GMDS: variants seen among roughly 807,000 people sequenced by gnomAD.
GMDS encodes GDP-mannose 4,6 dehydratase.
Under a neutral mutation model 49.9 loss-of-function variants are expected in GMDS, and 20 were observed. The ratio of observed to expected loss-of-function variants is 0.40; its 90% CI spans 0.28 to 0.58. The LOEUF is 0.58. Among genes scored for constraint, GMDS ranks in the 20% least tolerant of loss-of-function variants. GMDS has a pLI of 0.42. For synonymous variants in GMDS, 177 were observed against 178.6 expected, an observed-to-expected ratio of 0.99 and a Z score of 0.07; for missense variants, 362 against 481.4, an observed-to-expected ratio of 0.75 and a Z score of 2.32.
intron 1 of GMDS, among the ~76,000 whole-genome samples, chr6:2,212,872 T>C (rs1352002388): frequency 1.3e-5 from 2 of 152,202 alleles, no homozygotes; most frequent in Non-Finnish European, 2.9e-5. Flanking sequence ...ATTTTCTGAA[T>C]GGTTACTCCT....
At chr6:2,203,666 A>G (rs1561655035) in intron 1 of GMDS, among the ~76,000 whole-genome samples, 1 of 152,332 alleles carries the variant, frequency 6.6e-6, no homozygotes, top group Admixed American at 6.5e-5. Context: ...TACGAAAAAA[A>G]AATGTGTTTT....
intron 1 of GMDS, among the ~76,000 whole-genome samples, chr6:2,146,558 A>C (rs1337359436): frequency 6.6e-6 from 1 of 152,206 alleles, no homozygotes; most frequent in East Asian, 1.9e-4. Context: ...GTAGCCCTAA[A>C]GCTTTGTGAT....
intron 7 of GMDS, among the ~76,000 whole-genome samples, chr6:1,773,205 TTTTTTAAC>T (rs1307550189): frequency 4.6e-5 from 7 of 151,446 alleles, no homozygotes; most frequent in African/African-American, 1.5e-4. Context: ...TTTTTTTTTT[TTTTTTAAC>T]TTTAAGAGAA....
At chr6:1,822,024 C>T (rs1770924350) in intron 7 of GMDS, among the ~76,000 whole-genome samples, 1 of 152,082 alleles carries the variant, frequency 6.6e-6, no homozygotes, top group African/African-American at 2.4e-5. Flanking sequence ...AAAAAAAATA[C>T]TGTAAAGCTC....
At chr6:1,715,011 C>G (rs1766124279) in intron 9 of GMDS, among the ~76,000 whole-genome samples, 1 of 152,008 alleles carries the variant, frequency 6.6e-6, no homozygotes, top group Non-Finnish European at 1.5e-5. Flanking sequence ...AAGAAAGGTG[C>G]AGAGGGAAGT....
intron 4 of GMDS, among the ~76,000 whole-genome samples, chr6:2,018,245 A>G (rs1768029547): frequency 6.6e-6 from 1 of 152,226 alleles, no homozygotes; most frequent in African/African-American, 2.4e-5. Flanking sequence ...CGCTGATGCT[A>G]TGACTCAAAT....
chr6:2,230,222 A>G (rs1213961237), intron 1 of GMDS, among the ~76,000 whole-genome samples: 1 of 152,258 alleles, frequency 6.6e-6, no homozygotes, highest in Non-Finnish European at 1.5e-5. Flanking sequence ...AAAAGTTTCC[A>G]TTACACATGC....
At chr6:2,001,686 T>A (rs1386943090) in intron 4 of GMDS, among the ~76,000 whole-genome samples, 1 of 152,136 alleles carries the variant, frequency 6.6e-6, no homozygotes, top group African/African-American at 2.4e-5. Flanking sequence ...GGCATAAGAA[T>A]AGATGCACAA....
At chr6:1,634,517 C>T (rs1388759275) in intron 9 of GMDS, among the ~76,000 whole-genome samples, 1 of 152,212 alleles carries the variant, frequency 6.6e-6, no homozygotes, top group African/African-American at 2.4e-5. Flanking sequence ...TTCTCTGTCT[C>T]TCTCTGGGTG....
intron 9 of GMDS, among the ~76,000 whole-genome samples, chr6:1,648,763 T>G (rs941543523): frequency 3.3e-5 from 5 of 152,232 alleles, no homozygotes; most frequent in Non-Finnish European, 5.9e-5. Flanking sequence ...TTTTGTAAAA[T>G]AGCTCCGTTT....
At chr6:1,885,864 C>T (rs1429052806) in intron 7 of GMDS, among the ~76,000 whole-genome samples, 2 of 152,196 alleles carry the variant, frequency 1.3e-5, no homozygotes, top group Non-Finnish European at 2.9e-5. Context: ...TCCTCTTGTT[C>T]CACAGCTCAA....
At chr6:1,739,519 G>A (rs1767177537) in intron 8 of GMDS, among the ~76,000 whole-genome samples, 1 of 152,272 alleles carries the variant, frequency 6.6e-6, no homozygotes, top group African/African-American at 2.4e-5. Context: ...CAGTGGGGCT[G>A]CTCATCCCAG....
chr6:1,911,335 G>A (rs1228366553), intron 7 of GMDS, among the ~76,000 whole-genome samples: 1 of 152,172 alleles, frequency 6.6e-6, no homozygotes, highest in East Asian at 1.9e-4. Context: ...CAACTGAAAA[G>A]TAATTCTTCT....
chr6:1,712,409 G>GTTCT (rs1227540674), intron 9 of GMDS, among the ~76,000 whole-genome samples: 1 of 152,206 alleles, frequency 6.6e-6, no homozygotes, highest in Non-Finnish European at 1.5e-5. Flanking sequence ...GAAGTGCTGT[G>GTTCT]TTCTTATCTT....
At chr6:1,979,561 T>G (rs1234609823) in intron 4 of GMDS, among the ~76,000 whole-genome samples, 2 of 152,176 alleles carry the variant, frequency 1.3e-5, no homozygotes, top group Non-Finnish European at 2.9e-5. Flanking sequence ...AGAATGAATC[T>G]ACAACTGACT....
intron 4 of GMDS, among the ~76,000 whole-genome samples, chr6:2,039,813 A>G (rs115863455): frequency 0.013 from 1,922 of 152,304 alleles, 43 homozygotes; most frequent in African/African-American, 0.044. Flanking sequence ...TTAACTTTTA[A>G]TATAAGCAGA....
rs955710088 is a variant in GMDS at position 1,999,658 on chromosome 6, TA to T, written c.346-38693del. ...AGATCCATTAGAGACATCAGAAACA[TA>T]AAAAAAAATAAAATGAGAACATAAA... On this transcript the variant is annotated intron_variant, in intron 4 of 10. Coordinates refer to ENST00000380815, the MANE Select transcript of GMDS (RefSeq NM_001500.4). 3.0e-3 allele frequency among the ~76,000 whole-genome samples: 435 copies of T among 144,938 alleles called. 4 individuals carry two copies. The highest frequency in any genetic ancestry group is 4.8e-3 in the Non-Finnish European group (315 of 65,992).
Position 1,816,727 on chromosome 6 carries a change from A to G in GMDS, c.772-74141T>C, listed in dbSNP as rs1770686981. On this transcript the variant is annotated intron_variant, in intron 7 of 10. Transcript: ENST00000380815. ...TTAATGAACATGTAAAGTTTAGTGTATTTCTTTTCATACTTCTATCTCTGC... is the reference window on the plus strand; with the variant it reads ...TTAATGAACATGTAAAGTTTAGTGTGTTTCTTTTCATACTTCTATCTCTGC... 3.9e-5 allele frequency among the ~76,000 whole-genome samples: 6 copies of G among 152,158 alleles called. 1 individual carries two copies. The South Asian group carries it at 1.2e-3, about 32-fold the overall frequency.
intron 9 of GMDS, among the ~76,000 whole-genome samples, chr6:1,689,272 T>C (rs1765088870): frequency 6.6e-6 from 1 of 152,138 alleles, no homozygotes; most frequent in African/African-American, 2.4e-5. Context: ...ATCGGACTGC[T>C]CCACACCCAA....
Sources: allele counts gnomAD v4.1 joint callset (sites outside exome capture counted in the v4.1 genomes callset), GRCh38; gene constraint gnomAD v4.1.1; transcripts MANE v1.5; gene names NCBI Gene and HGNC (gene_info 2026-07-23, HGNC 2026-07-21).